The following THSD4 variants were observed in gnomAD, a reference collection of about 807,000 sequenced individuals.
THSD4 encodes the protein thrombospondin type 1 domain containing 4.
THSD4 carries 69 observed loss-of-function variants against 119.0 expected under a neutral mutation model. The ratio of observed to expected loss-of-function variants is 0.58; its 90% confidence interval spans 0.48 to 0.71. The LOEUF (loss-of-function observed/expected upper bound fraction) is 0.71, where lower values mean the gene tolerates loss of function less well. Among genes scored for constraint, THSD4 ranks in the 30% least tolerant of loss-of-function variants. The pLI is 0.00. For missense variants in THSD4, 1,393 were observed against 1,391.1 expected, an observed-to-expected ratio of 1.00 and a Z score of -0.02; for synonymous variants, 524 against 540.4, an observed-to-expected ratio of 0.97 and a Z score of 0.42.
chr15:71,452,598 G>C (rs188669132), intron 7 of THSD4, among the ~76,000 whole-genome samples: 116 of 151,928 alleles, frequency 7.6e-4, no homozygotes, highest in Non-Finnish European at 1.3e-3. Flanking sequence ...GGGCCTTTAG[G>C]AGGTAAATTT....
chr15:71,442,237 C>T (rs1391592338), intron 7 of THSD4, among the ~76,000 whole-genome samples: 1 of 151,660 alleles, frequency 6.6e-6, no homozygotes, highest in Non-Finnish European at 1.5e-5. Context: ...GGATTACAGA[C>T]ATGAGCCACC....
intron 7 of THSD4, among the ~76,000 whole-genome samples, chr15:71,448,813 C>T (rs575958887): frequency 6.6e-6 from 1 of 152,298 alleles, no homozygotes; most frequent in East Asian, 1.9e-4. Context: ...ATTGGGAAAC[C>T]AGTCACTGAT....
At chr15:71,099,781 A>G (rs1038901785) in intron 1 of THSD4, among the ~76,000 whole-genome samples, 6 of 152,122 alleles carry the variant, frequency 3.9e-5, no homozygotes, top group African/African-American at 1.4e-4. Context: ...CCTGGACAAC[A>G]TGGTGAAACC....
intron 6 of THSD4, among the ~76,000 whole-genome samples, chr15:71,373,394 A>C (rs931573145): frequency 6.6e-6 from 1 of 152,050 alleles, no homozygotes; most frequent in Non-Finnish European, 1.5e-5. Flanking sequence ...TTGGGTGCCG[A>C]GTTCTCTGGC....
Position 71,724,287 on chromosome 15 carries a change from A to ATATATATATATATATATATATT in THSD4, c.1358-4261_1358-4260insATATATATATATATATATATTT. On this transcript the variant is annotated intron_variant, in intron 8 of 17. Coordinates refer to ENST00000261862, the MANE Select transcript of THSD4 (RefSeq NM_024817.3). ...ATGGGATATATATATATATATATAT[A>ATATATATATATATATATATATT]TTTTTTTTTTCCCCCCAAGATGGAA... 4.1e-3 allele frequency among the ~76,000 whole-genome samples: 153 copies of ATATATATATATATATATATATT among 37,178 alleles called. 2 individuals are homozygous for ATATATATATATATATATATATT. The highest frequency in any genetic ancestry group is 0.012 in the South Asian group (6 of 488). The allele number at this position is 37,178 out of a possible 152,430, so 24.4% of individuals were successfully genotyped here.
intron 7 of THSD4, among the ~76,000 whole-genome samples, chr15:71,421,780 C>T (rs1225982890): frequency 6.6e-6 from 1 of 152,190 alleles, no homozygotes; most frequent in Non-Finnish European, 1.5e-5. Context: ...CCTGTACTTA[C>T]TCTGGAAGGC....
chr15:71,257,167 C>A (rs2044327509), intron 6 of THSD4, among the ~76,000 whole-genome samples: 1 of 152,078 alleles, frequency 6.6e-6, no homozygotes, highest in Non-Finnish European at 1.5e-5. Context: ...CATGCTGATT[C>A]CAAAGATAAT....
intron 1 of THSD4, among the ~76,000 whole-genome samples, chr15:71,098,881 A>G (rs1411521628): frequency 6.6e-6 from 1 of 152,208 alleles, no homozygotes; most frequent in Non-Finnish European, 1.5e-5. Context: ...CAGGCAGAAA[A>G]TATTGGATTT....
intron 7 of THSD4, among the ~76,000 whole-genome samples, chr15:71,561,932 A>ACT (rs139542150): frequency 1.3e-5 from 2 of 148,432 alleles, no homozygotes; most frequent in Admixed American, 6.7e-5. Flanking sequence ...ACACTCACTC[A>ACT]CTCTCTCTCT....
chr15:71,323,165 T>TGCTTACTG (rs1173153733), intron 6 of THSD4, among the ~76,000 whole-genome samples: 1 of 150,794 alleles, frequency 6.6e-6, no homozygotes, highest in Admixed American at 6.6e-5. Context: ...AGTTATGAAG[T>TGCTTACTG]GCTTACTGTC....
At chr15:71,446,114 A>G (rs959337271) in intron 7 of THSD4, among the ~76,000 whole-genome samples, 6 of 152,236 alleles carry the variant, frequency 3.9e-5, no homozygotes, top group Admixed American at 1.3e-4. Context: ...GGCCAGAAAT[A>G]TAAATGTCAA....
At chr15:71,303,020 G>A (rs934184868) in intron 6 of THSD4, among the ~76,000 whole-genome samples, 1 of 151,884 alleles carries the variant, frequency 6.6e-6, no homozygotes, top group East Asian at 1.9e-4. Flanking sequence ...CACCCGATAC[G>A]AGGTCTGCAT....
intron 8 of THSD4, among the ~76,000 whole-genome samples, chr15:71,664,251 G>T (rs1327663715): frequency 6.6e-6 from 1 of 152,032 alleles, no homozygotes; most frequent in Non-Finnish European, 1.5e-5. Flanking sequence ...CAAAGTGCTG[G>T]GATTACAGGC....
intron 7 of THSD4, chr15:71,547,514 TA>T: frequency 1.3e-6 from 2 of 1,548,106 alleles, no homozygotes; most frequent in Non-Finnish European, 1.7e-6. Context: ...TCAGAAGTTG[TA>T]TTTTTTTTCA....
At chr15:71,587,047 G>A (rs960909669) in intron 7 of THSD4, among the ~76,000 whole-genome samples, 3 of 151,880 alleles carry the variant, frequency 2.0e-5, no homozygotes, top group Admixed American at 6.6e-5. Flanking sequence ...GGCCATCAGA[G>A]AAATGCAAAT....
intron 7 of THSD4, among the ~76,000 whole-genome samples, chr15:71,603,657 G>A (rs577343689): frequency 7.8e-6 from 1 of 128,294 alleles, no homozygotes; most frequent in African/African-American, 2.7e-5. Context: ...GGGATTTTTG[G>A]TGCCTGAAGC....
At chr15:71,279,871 GT>G (rs2044632023) in intron 6 of THSD4, among the ~76,000 whole-genome samples, 1 of 152,158 alleles carries the variant, frequency 6.6e-6, no homozygotes, top group Non-Finnish European at 1.5e-5. Flanking sequence ...TGGCCTTGGG[GT>G]AGCAGGAAGA....
chr15:71,280,176 T>C (rs1368369795), intron 6 of THSD4, among the ~76,000 whole-genome samples: 1 of 152,090 alleles, frequency 6.6e-6, no homozygotes, highest in Non-Finnish European at 1.5e-5. Context: ...GGGCAGAAAA[T>C]ACAGGTGTTA....
At chr15:71,466,514 A>C (rs2047502427) in intron 7 of THSD4, among the ~76,000 whole-genome samples, 1 of 152,146 alleles carries the variant, frequency 6.6e-6, no homozygotes, top group African/African-American at 2.4e-5. Context: ...TGCTGGTGCC[A>C]GGGCAGAACC....
Sources: allele counts gnomAD v4.1 joint callset (sites outside exome capture counted in the v4.1 genomes callset), GRCh38; gene constraint gnomAD v4.1.1; transcripts MANE v1.5; gene names NCBI Gene and HGNC (gene_info 2026-07-23, HGNC 2026-07-21).